TEN1: variants seen among roughly 807,000 people sequenced by gnomAD.
TEN1 encodes the protein TEN1 subunit of CST complex.
Under a neutral mutation model 9.3 loss-of-function variants are expected in TEN1, and 6 were observed. The observed-to-expected ratio is 0.65, with a 90% CI of 0.35 to 1.27. The LOEUF (loss-of-function observed/expected upper bound fraction) is 1.27. Among genes scored for constraint, TEN1 ranks in the 50% most tolerant of loss-of-function variants. The pLI is 0.03. For synonymous variants in TEN1, 65 were observed against 65.6 expected, an observed-to-expected ratio of 0.99 and a Z score of 0.04; for missense variants, 149 against 158.2, an observed-to-expected ratio of 0.94 and a Z score of 0.31.
intron 3 of TEN1, among the ~76,000 whole-genome samples, chr17:75,994,386 A>G (rs1346276247): frequency 1.3e-5 from 2 of 149,864 alleles, no homozygotes; most frequent in African/African-American, 2.5e-5. Flanking sequence ...GTGAGCCGAG[A>G]TCGCACCATT....
intron 2 of TEN1, among the ~76,000 whole-genome samples, chr17:75,990,419 G>T (rs1374187330): frequency 6.6e-6 from 1 of 151,758 alleles, no homozygotes; most frequent in African/African-American, 2.4e-5. Flanking sequence ...TTTACACTGT[G>T]TCATAGATTA....
chr17:75,980,808 A>G (rs1293860444), intron 1 of TEN1, among the ~76,000 whole-genome samples: 2 of 152,236 alleles, frequency 1.3e-5, no homozygotes, highest in Non-Finnish European at 2.9e-5. Flanking sequence ...TTTGAATAAT[A>G]GAACTATAAT....
intron 3 of TEN1, 63 bp downstream of exon 3, chr17:75,991,686 C>A: frequency 6.6e-7 from 1 of 1,512,388 alleles, no homozygotes; most frequent in Non-Finnish European, 8.9e-7. Context: ...GTCTTCGGGG[C>A]AGTCAGTGAG....
chr17:75,992,229 T>A (rs1598214718), intron 3 of TEN1, among the ~76,000 whole-genome samples: 1 of 149,556 alleles, frequency 6.7e-6, no homozygotes, highest in Non-Finnish European at 1.5e-5. Flanking sequence ...TCTTAAAAAT[T>A]TTTTTTTTTT....
At chr17:75,989,266 ATTT>A (rs1258071557) in intron 2 of TEN1, among the ~76,000 whole-genome samples, 1 of 142,724 alleles carries the variant, frequency 7.0e-6, no homozygotes, top group African/African-American at 2.6e-5. Context: ...CGCCCGGCTA[ATTT>A]TTTTTTTTGT....
chr17:75,984,750 GT>G (rs2066141752), intron 1 of TEN1: 1 of 152,244 alleles, frequency 6.6e-6, no homozygotes, highest in Admixed American at 6.6e-5. Context: ...GTCACAGTCT[GT>G]TCCTGTCAAG....
At chr17:75,987,979 C>T (rs1042180647) in intron 2 of TEN1, among the ~76,000 whole-genome samples, 1 of 149,600 alleles carries the variant, frequency 6.7e-6, no homozygotes, top group Non-Finnish European at 1.5e-5. Flanking sequence ...GTGGTTCACG[C>T]CTGTAATGCC....
At chr17:75,980,714 C>T (rs1230016445) in intron 1 of TEN1, among the ~76,000 whole-genome samples, 1 of 152,218 alleles carries the variant, frequency 6.6e-6, no homozygotes, top group African/African-American at 2.4e-5. Flanking sequence ...TGAGCCGCTG[C>T]GCCTAGCCTG....
chr17:75,986,276 A>C lies in TEN1; in HGVS notation c.84A>C (p.Thr28=). The C allele has an allele frequency of 6.5e-7, 1 of 1,546,720 alleles. No individual in the cohort carries two copies. The highest frequency in any genetic ancestry group is 8.7e-7 in the Non-Finnish European group (1 of 1,144,688). Residue 28 remains threonine (T), a synonymous_variant, in exon 2 of 4, where the codon ACA becomes ACC. Coordinates refer to ENST00000397640, the MANE Select transcript of TEN1 (RefSeq NM_001113324.3). ...TTCCTGATGGGAGCACGCTGAGAAC[A>C]TTTGGCAGGTGAGAACGGTTATTTT... ...GQVPDGSTLR[T]FGRLCLYDMI... is the part of the protein sequence containing the mutation.
chr17:75,992,068 AG>A lies in TEN1; in HGVS notation c.250+446del, dbSNP rs1466062711. 5.2e-5 allele frequency among the ~76,000 whole-genome samples: 7 copies of A among 134,384 alleles called. 1 individual carries two copies. Among genetic ancestry groups the A allele is most frequent in the African/African-American group, 2.3e-4 (6 of 26,372 alleles). 88.2% of individuals were successfully genotyped at this position (134,384 alleles called of 152,430 possible). ...TCTCAAAAAAAAAAAAAAAAAAAAA[AG>A]ACAGGTACAGTGAAGAGACAATCCC... On this transcript the variant is annotated intron_variant, in intron 3 of 3. Transcript: ENST00000397640.
At chr17:75,979,734 G>T (rs1023400323) in intron 1 of TEN1, among the ~76,000 whole-genome samples, 2 of 152,114 alleles carry the variant, frequency 1.3e-5, no homozygotes, top group African/African-American at 4.8e-5. Context: ...AATCCACCCG[G>T]ATTGGAGAAG....
chr17:75,986,350 A>G, intron 2 of TEN1, 66 bp downstream of exon 2: 2 of 1,307,240 alleles, frequency 1.5e-6, no homozygotes, highest in Non-Finnish European at 2.1e-6. Context: ...TCTACCTCCA[A>G]AAAGACATAA....
chr17:75,986,227 C>T lies in TEN1; in HGVS notation c.35C>T (p.Pro12Leu), dbSNP rs1247295822. The T allele has an allele frequency of 1.9e-6, 3 of 1,549,878 alleles. No homozygotes were observed. The highest frequency in any genetic ancestry group is 4.9e-5 in the East Asian group (2 of 40,858). ...CCCAAACCTGGGACCTATTACCTCC[C>T]CTGGGAGGTTAGTGCAGGCCAAGTT... is the stretch of plus-strand genomic sequence containing the variant. ...MLPKPGTYYL[P>L]WEVSAGQVPD... Residue 12 changes from proline to leucine, a missense_variant, in exon 2 of 4, where the codon CCC becomes CTC. Coordinates refer to ENST00000397640, the MANE Select transcript of TEN1 (RefSeq NM_001113324.3).
chr17:75,985,879 TTTTC>T lies in TEN1; in HGVS notation c.-6-304_-6-301del, dbSNP rs2066149044. ...GAATGTATATTATATCAAAAAAATT[TTTTC>T]TTTTTTATATATATTTTTTATTATA... On this transcript the variant is annotated intron_variant, in intron 1 of 3. Coordinates refer to ENST00000397640, the MANE Select transcript of TEN1 (RefSeq NM_001113324.3). Among the ~76,000 whole-genome samples, 3 of 150,874 alleles carry T rather than the reference TTTTC, an allele frequency of 2.0e-5. No individual in the cohort carries two copies. In the South Asian group the frequency reaches 6.2e-4, roughly 31 times the overall value.
chr17:75,981,758 G>A (rs995230427), intron 1 of TEN1, among the ~76,000 whole-genome samples: 3 of 152,060 alleles, frequency 2.0e-5, no homozygotes, highest in Admixed American at 6.6e-5. Flanking sequence ...AGCTGGGTGC[G>A]GTGGCTCACG....
At chr17:75,997,539 G>A (rs2066224944) in intron 3 of TEN1, among the ~76,000 whole-genome samples, 1 of 152,064 alleles carries the variant, frequency 6.6e-6, no homozygotes, top group Admixed American at 6.6e-5. Flanking sequence ...CACTGAAACG[G>A]CCACCGTTAG....
intron 1 of TEN1, among the ~76,000 whole-genome samples, chr17:75,985,770 C>G (rs572880668): frequency 1.3e-5 from 2 of 150,010 alleles, no homozygotes; most frequent in East Asian, 4.0e-4. Context: ...GTGATCCGCC[C>G]GCCTCAGCCT....
chr17:75,993,196 C>T (rs139825167), intron 3 of TEN1, among the ~76,000 whole-genome samples: 4,653 of 151,550 alleles, frequency 0.031, 75 homozygotes, highest in Middle Eastern at 0.054. Flanking sequence ...CTCCGCCTCC[C>T]GGGTTCAAGC....
chr17:75,984,504 T>C (rs2066140398), intron 1 of TEN1: 1 of 152,192 alleles, frequency 6.6e-6, no homozygotes, highest in South Asian at 2.1e-4. Flanking sequence ...ACTCAAGCGA[T>C]CCTCCCATCT....
Sources: allele counts gnomAD v4.1 joint callset (sites outside exome capture counted in the v4.1 genomes callset), GRCh38; gene constraint gnomAD v4.1.1; transcripts MANE v1.5; gene names NCBI Gene and HGNC (gene_info 2026-07-23, HGNC 2026-07-21).